Variants in SCLT1 observed in about 807,000 individuals in gnomAD.
SCLT1 encodes sodium channel-associated protein 1.
SCLT1 carries 78 observed loss-of-function variants against 112.8 expected under a neutral mutation model. The ratio of observed to expected loss-of-function variants is 0.69; its 90% confidence interval spans 0.58 to 0.83. The LOEUF (loss-of-function observed/expected upper bound fraction) is 0.83, where lower values mean the gene tolerates loss of function less well. SCLT1 is among the 40% of genes least tolerant of loss of function. The pLI is 0.00. For missense variants in SCLT1, 747 were observed against 770.4 expected (o/e 0.97, Z 0.36); for synonymous variants, 257 against 254.7 (o/e 1.01, Z -0.09).
intron 5 of SCLT1, among the ~76,000 whole-genome samples, chr4:129,007,968 C>T (rs1209849348): frequency 6.6e-6 from 1 of 152,120 alleles, no homozygotes; most frequent in Non-Finnish European, 1.5e-5. Context: ...CCACCCTCTA[C>T]TATAAATTAG....
intron 9 of SCLT1, among the ~76,000 whole-genome samples, chr4:128,989,619 C>T (rs1742386588): frequency 2.0e-5 from 3 of 150,880 alleles, no homozygotes; most frequent in Non-Finnish European, 4.4e-5. Flanking sequence ...TAATAAAGAG[C>T]AGAGCAGAAA....
intron 14 of SCLT1, among the ~76,000 whole-genome samples, chr4:128,950,948 G>A (rs1281304302): frequency 6.6e-6 from 1 of 152,056 alleles, no homozygotes; most frequent in African/African-American, 2.4e-5. Context: ...TCTCCAAAGG[G>A]AGATATGTAG....
intron 14 of SCLT1, among the ~76,000 whole-genome samples, chr4:128,949,669 G>C (rs1738528742): frequency 6.6e-6 from 1 of 151,970 alleles, no homozygotes; most frequent in Non-Finnish European, 1.5e-5. Flanking sequence ...TGAGAATGAT[G>C]GTTTCCAGCT....
intron 12 of SCLT1, among the ~76,000 whole-genome samples, chr4:128,958,493 G>T (rs1196021476): frequency 6.6e-6 from 1 of 152,100 alleles, no homozygotes; most frequent in African/African-American, 2.4e-5. Context: ...CTTAAGATTT[G>T]AGTGAGAAGA....
chr4:128,946,393 AC>A (rs1239063134), intron 15 of SCLT1, among the ~76,000 whole-genome samples: 1 of 152,144 alleles, frequency 6.6e-6, no homozygotes, highest in Non-Finnish European at 1.5e-5. Flanking sequence ...ACATAGCAAG[AC>A]CCTGTCATCT....
intron 13 of SCLT1, among the ~76,000 whole-genome samples, chr4:128,956,141 C>T (rs1364083878): frequency 6.6e-6 from 1 of 152,112 alleles, no homozygotes; most frequent in East Asian, 1.9e-4. Flanking sequence ...GATCACAATG[C>T]TTTTGAAAAA....
chr4:129,068,090 T>C (rs989337382), intron 2 of SCLT1, among the ~76,000 whole-genome samples: 10 of 152,196 alleles, frequency 6.6e-5, no homozygotes, highest in Non-Finnish European at 1.2e-4. Flanking sequence ...ACATACAATG[T>C]TTGGTTTCCC....
chr4:129,044,849 A>G (rs1346558890), intron 2 of SCLT1, among the ~76,000 whole-genome samples: 1 of 151,286 alleles, frequency 6.6e-6, no homozygotes, highest in Non-Finnish European at 1.5e-5. Flanking sequence ...AAAAAGGAAA[A>G]GAAAAAAGAA....
At chr4:128,899,647 T>A (rs2125933058) in intron 18 of SCLT1, among the ~76,000 whole-genome samples, 1 of 152,246 alleles carries the variant, frequency 6.6e-6, no homozygotes. Context: ...CCACTCCTAT[T>A]CAACATAGTG....
intron 5 of SCLT1, among the ~76,000 whole-genome samples, chr4:129,004,304 C>T (rs539100589): frequency 2.0e-5 from 3 of 152,144 alleles, no homozygotes; most frequent in African/African-American, 7.2e-5. Flanking sequence ...CAGCGTGTTT[C>T]ACCAAACTCA....
Position 129,093,128 on chromosome 4 carries a change from T to G in SCLT1, c.-25A>C, listed in dbSNP as rs771163880. ...TTTCGATACAATTTTAGTTTAGAGC[T>G]TTCACCACCTTTACCTTCCTCTGAA... On this transcript the variant is annotated 5_prime_UTR_variant, in exon 1 of 21. Transcript: ENST00000281142. The G allele has an allele frequency of 6.2e-7, 1 of 1,609,872 alleles. No individual in the cohort carries two copies. Among genetic ancestry groups the G allele is most frequent in the South Asian group, 1.1e-5 (1 of 90,994 alleles).
intron 1 of SCLT1, among the ~76,000 whole-genome samples, chr4:129,086,635 T>G (rs1334407391): frequency 6.6e-6 from 1 of 152,106 alleles, no homozygotes; most frequent in Non-Finnish European, 1.5e-5. Flanking sequence ...AATCATGGCA[T>G]GAGGTGTTAC....
intron 5 of SCLT1, among the ~76,000 whole-genome samples, chr4:129,023,841 T>C (rs893813761): frequency 5.3e-5 from 8 of 152,182 alleles, no homozygotes; most frequent in Non-Finnish European, 1.2e-4. Context: ...ACCCTAATAC[T>C]GCGCTTTTCC....
At chr4:129,038,428 C>A (rs1747383820) in intron 5 of SCLT1, among the ~76,000 whole-genome samples, 1 of 151,952 alleles carries the variant, frequency 6.6e-6, no homozygotes, top group Non-Finnish European at 1.5e-5. Context: ...AAAAGTAAGT[C>A]CTAGAACACT....
intron 9 of SCLT1, among the ~76,000 whole-genome samples, chr4:128,976,094 T>G (rs1741152350): frequency 6.6e-6 from 1 of 152,212 alleles, no homozygotes; most frequent in Admixed American, 6.5e-5. Flanking sequence ...CTAATTTCTA[T>G]GTTAGATACA....
intron 1 of SCLT1, among the ~76,000 whole-genome samples, chr4:129,086,823 A>T (rs554499909): frequency 1.6e-4 from 25 of 152,202 alleles, no homozygotes; most frequent in Non-Finnish European, 3.2e-4. Context: ...AAGAACAGTT[A>T]TAGTAGGAGT....
At chr4:128,893,145 C>T (rs1315572363) in intron 18 of SCLT1, among the ~76,000 whole-genome samples, 1 of 152,154 alleles carries the variant, frequency 6.6e-6, no homozygotes, top group Admixed American at 6.5e-5. Context: ...ATTCAGTTTA[C>T]ACAAAACCTT....
intron 8 of SCLT1, among the ~76,000 whole-genome samples, chr4:128,996,794 A>C (rs1743049944): frequency 6.6e-6 from 1 of 152,038 alleles, no homozygotes; most frequent in Non-Finnish European, 1.5e-5. Context: ...CTGCCTTAGA[A>C]ATTTTTAACA....
At chr4:129,039,176 T>G in intron 4 of SCLT1, 80 bp from the exon 5 acceptor site, 2 of 832,606 alleles carry the variant, frequency 2.4e-6, no homozygotes, top group Non-Finnish European at 4.1e-6. Flanking sequence ...ACGTAAGCAA[T>G]CAGATTCTGA....
Sources: allele counts gnomAD v4.1 joint callset (sites outside exome capture counted in the v4.1 genomes callset), GRCh38; gene constraint gnomAD v4.1.1; transcripts MANE v1.5; gene names NCBI Gene and HGNC (gene_info 2026-07-23, HGNC 2026-07-21).